The following TMPRSS11F variants were observed in gnomAD, a reference collection of about 807,000 sequenced individuals.
TMPRSS11F encodes the protein transmembrane serine protease 11F.
TMPRSS11F carries 47 observed loss-of-function variants against 60.2 expected under a neutral mutation model. That is an observed-to-expected ratio of 0.78 (90% confidence interval 0.62 to 1.00). The LOEUF (loss-of-function observed/expected upper bound fraction) is 1.00, where lower values mean the gene tolerates loss of function less well. Ranked by LOEUF, TMPRSS11F falls within the 50% of genes least tolerant of loss-of-function variation. The probability of loss-of-function intolerance (pLI) is 0.00; values close to 1 mark genes in which losing one functional copy is unlikely to be tolerated. For synonymous variants in TMPRSS11F, 166 were observed against 167.3 expected (o/e 0.99, Z 0.06); for missense variants, 519 against 522.9 (o/e 0.99, Z 0.07).
chr4:68,057,434 T>C lies in TMPRSS11F; in HGVS notation c.1158+1892A>G, dbSNP rs149643227. 1.7e-3 allele frequency among the ~76,000 whole-genome samples: 255 copies of C among 152,140 alleles called. 2 individuals are homozygous for C. Among genetic ancestry groups the C allele is most frequent in the African/African-American group, 6.0e-3 (249 of 41,528 alleles). On this transcript the variant is annotated intron_variant, in intron 9 of 9. Transcript: ENST00000356291. ...GAAAACAGACAAAAACTCCATGACATTGGTTTGGGCAAGGATTTTTGAATA... is the reference window on the plus strand; with the variant it reads ...GAAAACAGACAAAAACTCCATGACACTGGTTTGGGCAAGGATTTTTGAATA...
chr4:68,061,931 A>G, intron 8 of TMPRSS11F: 1 of 430,764 alleles, frequency 2.3e-6, no homozygotes, highest in Non-Finnish European at 4.6e-6. Context: ...ACATTCCTGT[A>G]TGAAAACGAA....
At chr4:68,079,637 T>C (rs1723652736) in intron 3 of TMPRSS11F, among the ~76,000 whole-genome samples, 1 of 152,206 alleles carries the variant, frequency 6.6e-6, no homozygotes, top group Non-Finnish European at 1.5e-5. Context: ...GCTTTTAATG[T>C]GATCCAAACT....
At chr4:68,106,093 A>C (rs1724297960) in intron 1 of TMPRSS11F, among the ~76,000 whole-genome samples, 1 of 152,208 alleles carries the variant, frequency 6.6e-6, no homozygotes, top group Admixed American at 6.5e-5. Context: ...TAAAATAACT[A>C]TCATTATTAT....
At chr4:68,061,324 G>A (rs1723169257) in intron 8 of TMPRSS11F, among the ~76,000 whole-genome samples, 1 of 152,142 alleles carries the variant, frequency 6.6e-6, no homozygotes, top group South Asian at 2.1e-4. Flanking sequence ...CAAGCCGTAT[G>A]AGCAAATTCA....
chr4:68,085,542 T>G (rs1723794141), intron 3 of TMPRSS11F, among the ~76,000 whole-genome samples: 1 of 152,280 alleles, frequency 6.6e-6, no homozygotes, highest in East Asian at 1.9e-4. Context: ...AACAATCAGC[T>G]AACATGACAG....
Position 68,058,074 on chromosome 4 carries a change from C to T in TMPRSS11F, c.1158+1252G>A, listed in dbSNP as rs11729312. Reference sequence around the variant, plus strand: ...TTACCAGAGTCTGGGTGAGCCTAGGCGGGTGGAGAGTGAGGGAAAGGGGAG... The same window carrying T: ...TTACCAGAGTCTGGGTGAGCCTAGGTGGGTGGAGAGTGAGGGAAAGGGGAG... On this transcript the variant is annotated intron_variant, in intron 9 of 9. Coordinates refer to ENST00000356291, the MANE Select transcript of TMPRSS11F (RefSeq NM_207407.2). 4.6e-5 allele frequency among the ~76,000 whole-genome samples: 7 copies of T among 152,216 alleles called. No homozygotes were observed. The South Asian group carries it at 8.3e-4, about 18-fold the overall frequency.
intron 1 of TMPRSS11F, among the ~76,000 whole-genome samples, chr4:68,103,252 A>G (rs747625573): frequency 1.5e-4 from 23 of 152,046 alleles, no homozygotes; most frequent in Non-Finnish European, 3.2e-4. Context: ...GCCAGCCTGG[A>G]CAACATGGCA....
intron 1 of TMPRSS11F, among the ~76,000 whole-genome samples, chr4:68,103,362 C>T (rs974065412): frequency 6.6e-6 from 1 of 151,886 alleles, no homozygotes; most frequent in African/African-American, 2.4e-5. Context: ...GGGAAGATCA[C>T]CTGAGCCCAG....
At chr4:68,058,200 C>T (rs561046134) in intron 9 of TMPRSS11F, among the ~76,000 whole-genome samples, 2 of 152,012 alleles carry the variant, frequency 1.3e-5, no homozygotes, top group Non-Finnish European at 2.9e-5. Context: ...TTATAGATTT[C>T]AAAATAGCTA....
Position 68,064,795 on chromosome 4 carries a change from C to G in TMPRSS11F, c.905G>C (p.Gly302Ala). 1 of 1,614,142 alleles carries G rather than the reference C, an allele frequency of 6.2e-7. No homozygotes were observed. The highest frequency in any genetic ancestry group is 8.5e-7 in the Non-Finnish European group (1 of 1,180,012). The stretch of plus-strand genomic sequence containing the variant: ...CTGGACTATATTTGAAAACTCAACT[C>G]CAGTAGAGAGCTGAACCAAAGCAAT... ...NDIALVQLST[G>A]VEFSNIVQRV... The change falls in exon 8 of 10, where the codon GGA becomes GCA. Residue 302 changes from glycine (G) to alanine (A), a missense_variant. Physicochemically the swap from Gly to Ala is moderately conservative, Grantham distance 60 (BLOSUM62 0). Coordinates refer to ENST00000356291, the MANE Select transcript of TMPRSS11F (RefSeq NM_207407.2).
At chr4:68,068,547 T>C (rs1299410002) in intron 7 of TMPRSS11F, 71 bp downstream of exon 7, 12 of 1,351,622 alleles carry the variant, frequency 8.9e-6, no homozygotes, top group African/African-American at 1.4e-5. Flanking sequence ...GACTGGACTC[T>C]TCTGATGCGC....
chr4:68,098,496 C>T (rs1412415131), intron 2 of TMPRSS11F, among the ~76,000 whole-genome samples: 2 of 152,100 alleles, frequency 1.3e-5, no homozygotes. Context: ...TGATCTTTAG[C>T]CCTTTAAAGG....
chr4:68,122,749 C>T (rs925295087), intron 1 of TMPRSS11F, among the ~76,000 whole-genome samples: 2 of 152,118 alleles, frequency 1.3e-5, no homozygotes, highest in African/African-American at 4.8e-5. Flanking sequence ...AAATTACTTC[C>T]AGAAAGGCAA....
intron 3 of TMPRSS11F, among the ~76,000 whole-genome samples, chr4:68,083,802 C>T (rs1346011451): frequency 1.3e-5 from 2 of 152,070 alleles, no homozygotes; most frequent in African/African-American, 4.8e-5. Context: ...AAACAATCAC[C>T]CTACCTCCCC....
In TMPRSS11F at chr4:68,068,317, A is replaced by T. The variant is rs529417278; in HGVS notation, c.755+301T>A. ...TTCTTGAGTATGTAAAAGAGATTAA[A>T]CTTGTTACATGTGTAATAGTCTTCA... On this transcript the variant is annotated intron_variant, in intron 7 of 9. Transcript: ENST00000356291. Among the ~76,000 whole-genome samples the T allele has an allele frequency of 8.5e-5, 13 of 152,220 alleles. No individual in the cohort carries two copies. The East Asian group carries it at 2.5e-3, about 29-fold the overall frequency.
chr4:68,071,964 G>A (rs1183595275), intron 5 of TMPRSS11F, among the ~76,000 whole-genome samples: 3 of 151,506 alleles, frequency 2.0e-5, no homozygotes, highest in Non-Finnish European at 4.4e-5. Flanking sequence ...CTAGCCCCAA[G>A]GTTTGCTAAT....
chr4:68,084,724 A>ATTTAT (rs1553886887), intron 3 of TMPRSS11F, among the ~76,000 whole-genome samples: 1 of 148,312 alleles, frequency 6.7e-6, no homozygotes, highest in African/African-American at 2.6e-5. Flanking sequence ...TTATTTATTT[A>ATTTAT]TTTTTTTATG....
intron 3 of TMPRSS11F, among the ~76,000 whole-genome samples, chr4:68,088,192 A>C: frequency 6.6e-6 from 1 of 151,994 alleles, no homozygotes. Flanking sequence ...AAAAGGATGG[A>C]GGAAGATCTA....
In TMPRSS11F at chr4:68,053,820, C is replaced by G. The variant is rs576785095; in HGVS notation, c.*89G>C. On this transcript the variant is annotated 3_prime_UTR_variant, in exon 10 of 10. Coordinates refer to ENST00000356291, the MANE Select transcript of TMPRSS11F (RefSeq NM_207407.2). ...GGCTTCTTGACATCTAGCAAAAGCA[C>G]TAATCCAAAGTAAATGAATTTAAAC... is the stretch of plus-strand genomic sequence containing the variant. 2.5e-5 allele frequency: 34 copies of G among 1,351,844 alleles called. No homozygotes were observed. In the African/African-American group the frequency reaches 4.8e-4, roughly 19 times the overall value. 83.7% of individuals were successfully genotyped at this position (1,351,844 alleles called of 1,614,324 possible). A position where few individuals can be genotyped will look rare whatever the true frequency, so the allele number is the denominator to read the frequency against.
Sources: allele counts gnomAD v4.1 joint callset (sites outside exome capture counted in the v4.1 genomes callset), GRCh38; gene constraint gnomAD v4.1.1; transcripts MANE v1.5; gene names NCBI Gene and HGNC (gene_info 2026-07-23, HGNC 2026-07-21).